The following HSPA4 variants were observed in gnomAD, a reference collection of about 807,000 sequenced individuals.
HSPA4 encodes the protein heat shock 70 kDa protein 4.
Under a neutral mutation model 106.2 loss-of-function variants are expected in HSPA4, and 25 were observed. The observed-to-expected ratio is 0.24, with a 90% CI of 0.17 to 0.33. The LOEUF (loss-of-function observed/expected upper bound fraction) is 0.33, where lower values mean the gene tolerates loss of function less well. Ranked by LOEUF, HSPA4 falls within the 10% of genes least tolerant of loss-of-function variation. The pLI, the probability that HSPA4 is intolerant of heterozygous loss-of-function variation, is 1.00. For missense variants in HSPA4, 841 were observed against 996.0 expected, an observed-to-expected ratio of 0.84 and a Z score of 2.10; for synonymous variants, 332 against 333.6, an observed-to-expected ratio of 1.00 and a Z score of 0.05.
chr5:133,066,795 A>G (rs1376115576), intron 2 of HSPA4, among the ~76,000 whole-genome samples: 1 of 147,722 alleles, frequency 6.8e-6, no homozygotes, highest in Non-Finnish European at 1.5e-5. Context: ...TGTCAGCGCA[A>G]CCTCCACCTC....
In HSPA4 at chr5:133,070,377, A is replaced by G; in HGVS notation, c.310A>G (p.Thr104Ala). Reference sequence around the variant, plus strand: ...CCCCTTTGTTGTTTTCTTGCAGGTGACATATATGGAGGAAGAGCGAAATTT... The same window carrying G: ...CCCCTTTGTTGTTTTCTTGCAGGTGGCATATATGGAGGAAGAGCGAAATTT... ...LPTGLTGIKV[T>A]YMEEERNFTT... Residue 104 changes from threonine (T) to alanine (A), a missense_variant, in exon 4 of 19, where the codon ACA (threonine) becomes GCA (alanine). Coordinates refer to ENST00000304858, the MANE Select transcript of HSPA4 (RefSeq NM_002154.4). The G allele has an allele frequency of 6.2e-7, 1 of 1,608,894 alleles. No individual in the cohort carries two copies. Among genetic ancestry groups the G allele is most frequent in the South Asian group, 1.1e-5 (1 of 90,030 alleles).
intron 12 of HSPA4, among the ~76,000 whole-genome samples, chr5:133,092,154 A>C (rs1037494900): frequency 1.3e-5 from 2 of 152,140 alleles, no homozygotes; most frequent in South Asian, 4.1e-4. Context: ...GGTCATTCTA[A>C]TATGTTGCAG....
chr5:133,101,526 C>G, intron 16 of HSPA4: 1 of 394,918 alleles, frequency 2.5e-6, no homozygotes. Flanking sequence ...GGTCTCCCTG[C>G]TGTGTTTTGA....
chr5:133,076,880 T>C lies in HSPA4; in HGVS notation c.890T>C (p.Val297Ala). The C allele has an allele frequency of 6.2e-7, 1 of 1,610,522 alleles. No individual in the cohort carries two copies. The highest frequency in any genetic ancestry group is 8.5e-7 in the Non-Finnish European group (1 of 1,176,872). Residue 297 changes from valine (V) to alanine (A), a missense_variant, in exon 7 of 19, where the codon GTA becomes GCA. Around this residue, in one of 5 missense-constraint regions of HSPA4, gnomAD observed 347 missense variants for 408.7 expected, o/e 0.85. Coordinates refer to ENST00000304858, the MANE Select transcript of HSPA4 (RefSeq NM_002154.4). ...GAATGTTTTATGAATGATGTTGATG[T>C]ATCTGGAACTATGAATAGGTAAGTA... Reference protein sequence around the residue: ...SIECFMNDVDVSGTMNRGKFL... With the variant: ...SIECFMNDVDASGTMNRGKFL...
chr5:133,097,309 A>C, intron 15 of HSPA4, 23 bp downstream of exon 15: 1 of 1,604,792 alleles, frequency 6.2e-7, no homozygotes, highest in South Asian at 1.1e-5. Context: ...CAATATGCCT[A>C]ACTACTGTGT....
Position 133,104,251 on chromosome 5 carries a change from A to G in HSPA4, c.2338A>G (p.Ser780Gly). 6.2e-7 allele frequency: 1 copy of G among 1,614,068 alleles called. No individual in the cohort carries two copies. The highest frequency in any genetic ancestry group is 8.5e-7 in the Non-Finnish European group (1 of 1,179,950). ...ATTCCAGGAGCTGACAAGTACTTGT[A>G]GCCCTATAATTTCAAAGCCCAAACC... ...AKIKELTSTC[S>G]PIISKPKPKV... Residue 780 changes from serine (S) to glycine (G), a missense_variant, in exon 19 of 19, where the codon AGC becomes GGC. This residue lies in a region of HSPA4 where 328 missense variants were observed against 372.2 expected (regional missense o/e 0.88). Transcript: ENST00000304858.
At chr5:133,078,306 T>C (rs1488962597) in intron 7 of HSPA4, among the ~76,000 whole-genome samples, 1 of 150,526 alleles carries the variant, frequency 6.6e-6, no homozygotes, top group African/African-American at 2.5e-5. Context: ...CACTCCAGCC[T>C]GGGCGACAGT....
Position 133,076,903 on chromosome 5 carries a change from G to A in HSPA4, c.908+5G>A. ...TGTATCTGGAACTATGAATAGGTAA[G>A]TATATTACTATTTCGATGTTAAAGT... On this transcript the variant is annotated splice_donor_5th_base_variant and intron_variant, in intron 7 of 18. Transcript: ENST00000304858. The A allele has an allele frequency of 6.3e-7, 1 of 1,593,002 alleles. No homozygotes were observed. Among genetic ancestry groups the A allele is most frequent in the Non-Finnish European group, 8.6e-7 (1 of 1,162,874 alleles).
chr5:133,099,676 G>GTATC (rs756619215), intron 16 of HSPA4, 24 bp downstream of exon 16: 154 of 1,324,076 alleles, frequency 1.2e-4, no homozygotes, highest in Admixed American at 3.7e-4. Context: ...GAGAGCAGAG[G>GTATC]TATCCAGAAC....
intron 2 of HSPA4, among the ~76,000 whole-genome samples, chr5:133,065,350 T>C (rs988069648): frequency 6.6e-6 from 1 of 152,250 alleles, no homozygotes; most frequent in East Asian, 1.9e-4. Flanking sequence ...TTAGGTGTTA[T>C]AAGTAATCTA....
In HSPA4 at chr5:133,090,273, A is replaced by C. The variant is rs975819188; in HGVS notation, c.1378+578A>C. Reference sequence around the variant, plus strand: ...AACCCCGTCTCTACTAAAAAAATACAAAAAAAAATTAGCCAGGTGTGGTGG... The same window carrying C: ...AACCCCGTCTCTACTAAAAAAATACCAAAAAAAATTAGCCAGGTGTGGTGG... On this transcript the variant is annotated intron_variant, in intron 11 of 18. Transcript: ENST00000304858. 1.3e-5 allele frequency among the ~76,000 whole-genome samples: 2 copies of C among 150,708 alleles called. 1 individual carries two copies. Among genetic ancestry groups the C allele is most frequent in the Non-Finnish European group, 3.0e-5 (2 of 67,594 alleles).
chr5:133,057,756 G>A (rs1023333718), intron 1 of HSPA4, among the ~76,000 whole-genome samples: 4 of 152,218 alleles, frequency 2.6e-5, no homozygotes, highest in Non-Finnish European at 5.9e-5. Flanking sequence ...TGGAATGGAG[G>A]AAAAGCAATG....
chr5:133,075,668 G>A (rs1765438816), intron 6 of HSPA4, among the ~76,000 whole-genome samples: 1 of 151,578 alleles, frequency 6.6e-6, no homozygotes, highest in Admixed American at 6.6e-5. Context: ...TCTCTACAAA[G>A]AAAATACAAA....
At chr5:133,061,064 A>G (rs566968143) in intron 1 of HSPA4, among the ~76,000 whole-genome samples, 10 of 151,934 alleles carry the variant, frequency 6.6e-5, no homozygotes, top group African/African-American at 2.2e-4. Context: ...CACACACACA[A>G]CTGAAAAGCT....
At chr5:133,060,072 T>TTTTTA (rs997971234) in intron 1 of HSPA4, among the ~76,000 whole-genome samples, 13 of 151,974 alleles carry the variant, frequency 8.6e-5, no homozygotes, top group African/African-American at 3.1e-4. Context: ...GTTTTACTTT[T>TTTTTA]TTTTTTTAGG....
Position 133,105,805 on chromosome 5 carries a change from A to G in HSPA4, c.*1369A>G, listed in dbSNP as rs1364701555. The G allele has an allele frequency of 6.6e-6, 1 of 152,302 alleles. No homozygotes were observed. Among genetic ancestry groups the G allele is most frequent in the East Asian group, 1.9e-4 (1 of 5,192 alleles). 9.4% of individuals were successfully genotyped at this position (152,302 alleles called of 1,614,324 possible). ...GAATTAAGCGTTTGTCCATCTCTAG[A>G]TAACATTGAAAAGTTTGAGTGTTAC... is the stretch of plus-strand genomic sequence containing the variant. On this transcript the variant is annotated 3_prime_UTR_variant, in exon 19 of 19. Transcript: ENST00000304858.
At position 133,089,592 on chromosome 5, in the gene HSPA4, T is replaced by C; in HGVS notation, c.1275T>C (p.Ala425=). The change falls in exon 11 of 19, where the codon GCT becomes GCC. Residue 425 remains alanine (A), a synonymous_variant. Transcript: ENST00000304858. ...GTGAAGTCTTTTCCAAAAATCATGC[T>C]GCTCCTTTCTCTAAAGTTCTTACAT... ...SDCEVFSKNH[A]APFSKVLTFY... is the part of the protein sequence containing the mutation. 1.2e-6 allele frequency: 2 copies of C among 1,613,408 alleles called. No individual in the cohort carries two copies. The highest frequency in any genetic ancestry group is 1.7e-6 in the Non-Finnish European group (2 of 1,179,420).
intron 8 of HSPA4, 30 bp from the exon 9 acceptor site, chr5:133,088,374 A>T (rs1765604217): frequency 8.8e-6 from 13 of 1,471,808 alleles, no homozygotes; most frequent in Non-Finnish European, 1.2e-5. Context: ...TCATTTCATT[A>T]AAAAAATCTG....
chr5:133,079,534 G>A (rs778837064), intron 7 of HSPA4, among the ~76,000 whole-genome samples: 2 of 152,034 alleles, frequency 1.3e-5, no homozygotes, highest in Admixed American at 6.6e-5. Flanking sequence ...TCATCCATTC[G>A]TTTGCTGATG....
Sources: allele counts gnomAD v4.1 joint callset (sites outside exome capture counted in the v4.1 genomes callset), GRCh38; gene constraint gnomAD v4.1.1; regional missense constraint gnomAD v4.1.1; transcripts MANE v1.5; gene names NCBI Gene and HGNC (gene_info 2026-07-23, HGNC 2026-07-21).